Variants in UNC5D observed in about 807,000 individuals in gnomAD.
UNC5D encodes the protein netrin receptor UNC5D.
Under a neutral mutation model 105.4 loss-of-function variants are expected in UNC5D, and 39 were observed. That is an observed-to-expected ratio of 0.37 (90% CI 0.29 to 0.48). The LOEUF is 0.48. Ranked by LOEUF, UNC5D falls within the 20% of genes least tolerant of loss-of-function variation. The pLI is 0.98. For synonymous variants in UNC5D, 452 were observed against 450.4 expected (o/e 1.00, Z -0.04); for missense variants, 991 against 1,202.4 (o/e 0.82, Z 2.60).
intron 15 of UNC5D, among the ~76,000 whole-genome samples, chr8:35,768,288 G>A (rs1586615375): frequency 6.6e-6 from 1 of 152,126 alleles, no homozygotes; most frequent in Non-Finnish European, 1.5e-5. Context: ...TGTTTATGCA[G>A]TATTTGCGTT....
intron 1 of UNC5D, among the ~76,000 whole-genome samples, chr8:35,396,034 T>A (rs2128945375): frequency 6.6e-6 from 1 of 152,318 alleles, no homozygotes; most frequent in East Asian, 1.9e-4. Context: ...AATACCAATT[T>A]GTAGAGCATT....
At chr8:35,420,390 T>C (rs915859560) in intron 1 of UNC5D, among the ~76,000 whole-genome samples, 9 of 152,228 alleles carry the variant, frequency 5.9e-5, no homozygotes, top group Non-Finnish European at 1.3e-4. Context: ...CAGCGTTTTC[T>C]CTTCCTATTT....
At position 35,791,465 on chromosome 8, in the gene UNC5D, T is replaced by C. The variant is rs1202630238; in HGVS notation, c.*902T>C. The C allele has an allele frequency of 6.6e-6, 1 of 152,142 alleles. No homozygotes were observed. The highest frequency in any genetic ancestry group is 1.5e-5 in the Non-Finnish European group (1 of 68,028). The allele number at this position is 152,142 out of a possible 1,614,324, so 9.4% of individuals were successfully genotyped here. ...AAAAACACATGAACTGCAGATGCCA[T>C]AGGCCTCAAATCAGCTGTAATTCTA... On this transcript the variant is annotated 3_prime_UTR_variant, in exon 17 of 17. Coordinates refer to ENST00000404895, the MANE Select transcript of UNC5D (RefSeq NM_080872.4).
At chr8:35,667,842 T>G (rs1210963778) in intron 4 of UNC5D, among the ~76,000 whole-genome samples, 17 of 152,202 alleles carry the variant, frequency 1.1e-4, no homozygotes, top group Admixed American at 1.1e-3. Flanking sequence ...CCATAATTGA[T>G]TTAATCGATT....
chr8:35,392,213 C>T (rs1018769449), intron 1 of UNC5D, among the ~76,000 whole-genome samples: 49 of 152,070 alleles, frequency 3.2e-4, no homozygotes, highest in African/African-American at 1.2e-3. Flanking sequence ...AGATCTCTCC[C>T]TCCACTTTTC....
intron 4 of UNC5D, among the ~76,000 whole-genome samples, chr8:35,683,123 AATAAT>A (rs1214688745): frequency 6.6e-6 from 1 of 152,242 alleles, no homozygotes; most frequent in African/African-American, 2.4e-5. Context: ...AACCTTGTCT[AATAAT>A]ATAATATCCT....
At chr8:35,542,268 C>T (rs1438919460) in intron 1 of UNC5D, among the ~76,000 whole-genome samples, 2 of 152,118 alleles carry the variant, frequency 1.3e-5, no homozygotes, top group Non-Finnish European at 2.9e-5. Flanking sequence ...CGAAATGCAT[C>T]CCGTATCTAA....
At chr8:35,730,907 A>G in intron 10 of UNC5D, 105 bp from the exon 11 acceptor site, 1 of 925,458 alleles carries the variant, frequency 1.1e-6, no homozygotes, top group South Asian at 1.7e-5. Flanking sequence ...ATAAATTGCC[A>G]TGAGAAAGTA....
At chr8:35,461,021 G>T (rs1808847782) in intron 1 of UNC5D, among the ~76,000 whole-genome samples, 1 of 151,564 alleles carries the variant, frequency 6.6e-6, no homozygotes, top group African/African-American at 2.4e-5. Context: ...TTAGGCAAAT[G>T]AAGAAGATTT....
At chr8:35,410,568 A>T (rs1805101420) in intron 1 of UNC5D, among the ~76,000 whole-genome samples, 1 of 152,102 alleles carries the variant, frequency 6.6e-6, no homozygotes, top group African/African-American at 2.4e-5. Flanking sequence ...TGCAAAGAAC[A>T]TCTCTTTCAG....
chr8:35,328,701 A>G (rs933688168), intron 1 of UNC5D, among the ~76,000 whole-genome samples: 1 of 152,178 alleles, frequency 6.6e-6, no homozygotes, highest in African/African-American at 2.4e-5. Context: ...GACATCACAT[A>G]TAAACTTAAT....
intron 13 of UNC5D, among the ~76,000 whole-genome samples, chr8:35,751,583 A>G (rs1016748091): frequency 7.2e-5 from 11 of 152,222 alleles, no homozygotes; most frequent in African/African-American, 2.7e-4. Context: ...GAGCAAGATG[A>G]AGTTGGTTAG....
chr8:35,271,397 G>A (rs1315411529), intron 1 of UNC5D, among the ~76,000 whole-genome samples: 17 of 131,184 alleles, frequency 1.3e-4, no homozygotes, highest in Non-Finnish European at 2.5e-4. Flanking sequence ...ACACATGCAC[G>A]TGTGTATGTA....
At chr8:35,339,340 G>C (rs574763309) in intron 1 of UNC5D, among the ~76,000 whole-genome samples, 1 of 152,324 alleles carries the variant, frequency 6.6e-6, no homozygotes, top group African/African-American at 2.4e-5. Context: ...AGTCCTATAT[G>C]ATGGGATTAA....
At chr8:35,566,358 A>G (rs1279466418) in intron 2 of UNC5D, among the ~76,000 whole-genome samples, 2 of 152,318 alleles carry the variant, frequency 1.3e-5, no homozygotes, top group East Asian at 1.9e-4. Flanking sequence ...ACCAAGATAT[A>G]ATCATGATCC....
At chr8:35,321,106 A>G (rs976139172) in intron 1 of UNC5D, among the ~76,000 whole-genome samples, 1 of 151,974 alleles carries the variant, frequency 6.6e-6, no homozygotes, top group Non-Finnish European at 1.5e-5. Context: ...CATCAGCTTT[A>G]TTGTTCTAGG....
intron 4 of UNC5D, among the ~76,000 whole-genome samples, chr8:35,668,908 T>C (rs1824597979): frequency 6.6e-6 from 1 of 152,090 alleles, no homozygotes; most frequent in South Asian, 2.1e-4. Flanking sequence ...GTTTTCATGA[T>C]TCATGAATTT....
intron 3 of UNC5D, among the ~76,000 whole-genome samples, chr8:35,576,392 C>T (rs549139218): frequency 1.8e-4 from 27 of 152,248 alleles, no homozygotes; most frequent in African/African-American, 5.1e-4. Flanking sequence ...TTTGATTGAA[C>T]GCCAGAGGCA....
intron 1 of UNC5D, among the ~76,000 whole-genome samples, chr8:35,414,440 G>A (rs1430153130): frequency 6.6e-6 from 1 of 151,806 alleles, no homozygotes; most frequent in Non-Finnish European, 1.5e-5. Flanking sequence ...AGCTGCTCTT[G>A]CCTTATTTAA....
Sources: gnomAD v4.1 joint callset for allele counts (sites outside exome capture counted in the v4.1 genomes callset) on GRCh38, gnomAD v4.1.1 for gene constraint, MANE v1.5 for transcripts, NCBI Gene and HGNC (gene_info 2026-07-23, HGNC 2026-07-21) for gene names.